Variants in FER observed in about 807,000 individuals in gnomAD.
The protein encoded by FER is tyrosine-protein kinase Fer.
A neutral mutation model predicts 111.0 loss-of-function variants in FER; 63 were observed. The observed-to-expected ratio is 0.57, with a 90% CI of 0.46 to 0.70. The LOEUF (loss-of-function observed/expected upper bound fraction) is 0.70. FER is among the 30% of genes least tolerant of loss of function. FER has a pLI of 0.00. For synonymous variants in FER, 327 were observed against 313.9 expected (o/e 1.04, Z -0.44); for missense variants, 914 against 954.0 (o/e 0.96, Z 0.55).
At chr5:108,984,285 T>C (rs2149729072) in intron 13 of FER, among the ~76,000 whole-genome samples, 1 of 152,244 alleles carries the variant, frequency 6.6e-6, no homozygotes, top group South Asian at 2.1e-4. Flanking sequence ...GAAAAAGGAA[T>C]TGAGAATGTG....
chr5:109,162,845 T>A (rs1291084330), intron 17 of FER, among the ~76,000 whole-genome samples: 1 of 150,194 alleles, frequency 6.7e-6, no homozygotes, highest in African/African-American at 2.4e-5. Context: ...AAGGTGCCTA[T>A]TTTTTTAATC....
intron 13 of FER, among the ~76,000 whole-genome samples, chr5:108,977,850 T>C (rs1381961316): frequency 6.6e-6 from 1 of 152,072 alleles, no homozygotes; most frequent in Non-Finnish European, 1.5e-5. Context: ...GTTTCTCTCT[T>C]CTCTCTCTTT....
chr5:108,859,977 T>A (rs1763357609), intron 5 of FER, among the ~76,000 whole-genome samples: 1 of 146,830 alleles, frequency 6.8e-6, no homozygotes, highest in African/African-American at 2.5e-5. Context: ...AGTCTCTCTC[T>A]GTCGCCCAGG....
At chr5:108,871,867 A>G (rs762223674) in intron 7 of FER, among the ~76,000 whole-genome samples, 10 of 152,036 alleles carry the variant, frequency 6.6e-5, no homozygotes, top group Non-Finnish European at 1.0e-4. Flanking sequence ...ACTTAATACA[A>G]TTGTGACAGG....
rs982353933 is a variant in FER at position 109,070,794 on chromosome 5, CAG to C, written c.1924+23598_1924+23599del. 4.6e-5 allele frequency among the ~76,000 whole-genome samples: 7 copies of C among 151,958 alleles called. No homozygotes were observed. In the South Asian group the frequency reaches 1.0e-3, roughly 23 times the overall value. ...ATTTAGAAATGCGAATAACATAATT[CAG>C]AAACATTTCAGGATTATTTGCAATG... is the stretch of plus-strand genomic sequence containing the variant. On this transcript the variant is annotated intron_variant, in intron 16 of 19. Coordinates refer to ENST00000281092, the MANE Select transcript of FER (RefSeq NM_005246.4).
At chr5:109,066,646 G>C (rs937597113) in intron 16 of FER, among the ~76,000 whole-genome samples, 1 of 152,124 alleles carries the variant, frequency 6.6e-6, no homozygotes, top group Non-Finnish European at 1.5e-5. Context: ...GTGTCATCCT[G>C]TATTTAAGTG....
intron 5 of FER, among the ~76,000 whole-genome samples, chr5:108,840,578 G>A (rs1202000393): frequency 6.6e-6 from 1 of 151,670 alleles, no homozygotes; most frequent in East Asian, 1.9e-4. Context: ...TCATATGCTG[G>A]ATTGTCTGAT....
chr5:108,908,088 A>G (rs1044848691), intron 10 of FER, among the ~76,000 whole-genome samples: 2 of 152,170 alleles, frequency 1.3e-5, no homozygotes, highest in Admixed American at 1.3e-4. Context: ...TTTCATTTTT[A>G]GATTAACTGT....
At chr5:108,963,578 C>G (rs1581417254) in intron 13 of FER, among the ~76,000 whole-genome samples, 2 of 151,930 alleles carry the variant, frequency 1.3e-5, no homozygotes, top group South Asian at 2.1e-4. Context: ...CAAAACAAAA[C>G]AAAAAACAAA....
intron 9 of FER, among the ~76,000 whole-genome samples, chr5:108,896,757 A>G (rs1749166435): frequency 6.6e-6 from 1 of 152,152 alleles, no homozygotes; most frequent in Non-Finnish European, 1.5e-5. Context: ...GTTTATGTTG[A>G]GACTTATAGT....
At chr5:108,918,543 G>A (rs1024124776) in intron 10 of FER, among the ~76,000 whole-genome samples, 8 of 149,694 alleles carry the variant, frequency 5.3e-5, no homozygotes, top group Non-Finnish European at 1.0e-4. Context: ...CTGGAGTGCA[G>A]TGGTGCGATC....
chr5:108,800,389 C>T (rs1756506987), intron 3 of FER, among the ~76,000 whole-genome samples: 1 of 151,982 alleles, frequency 6.6e-6, no homozygotes, highest in Non-Finnish European at 1.5e-5. Context: ...CTTGCTCTGG[C>T]ATCCAGGCTG....
chr5:109,088,041 TAAG>T (rs1256901502), intron 16 of FER, among the ~76,000 whole-genome samples: 3 of 151,974 alleles, frequency 2.0e-5, no homozygotes, highest in Non-Finnish European at 4.4e-5. Flanking sequence ...GTAGGAGACA[TAAG>T]AATATATTGG....
At chr5:109,057,628 A>G (rs968250024) in intron 16 of FER, among the ~76,000 whole-genome samples, 3 of 152,186 alleles carry the variant, frequency 2.0e-5, no homozygotes, top group Admixed American at 2.0e-4. Flanking sequence ...GGTAACTTAG[A>G]TAAAATGGAC....
chr5:108,969,109 A>G (rs1001723178), intron 13 of FER, among the ~76,000 whole-genome samples: 2 of 152,284 alleles, frequency 1.3e-5, no homozygotes, highest in African/African-American at 2.4e-5. Flanking sequence ...AAAAACCACT[A>G]TAGAAGGCAT....
chr5:109,120,785 T>C (rs1328836318), intron 17 of FER, among the ~76,000 whole-genome samples: 1 of 152,150 alleles, frequency 6.6e-6, no homozygotes, highest in Non-Finnish European at 1.5e-5. Context: ...CAATGTTTTA[T>C]AGTTTTCATT....
intron 2 of FER, among the ~76,000 whole-genome samples, chr5:108,795,411 G>A (rs1429249518): frequency 9.8e-6 from 1 of 102,278 alleles, no homozygotes; most frequent in African/African-American, 3.8e-5. Flanking sequence ...TTTTTTTTAT[G>A]TTCCCTCTGA....
At chr5:109,054,689 TTTC>T (rs1581823128) in intron 16 of FER, among the ~76,000 whole-genome samples, 2 of 115,720 alleles carry the variant, frequency 1.7e-5, no homozygotes, top group East Asian at 4.4e-4. Flanking sequence ...CTAAAAGTTG[TTTC>T]TTAAGTTTAC....
Position 108,966,388 on chromosome 5 carries a change from CTT to C in FER, c.1656+7057_1656+7058del, listed in dbSNP as rs34899054. On this transcript the variant is annotated intron_variant, in intron 13 of 19. Coordinates refer to ENST00000281092, the MANE Select transcript of FER (RefSeq NM_005246.4). ...ATTTATTATACTTCCTTTTTCTTTT[CTT>C]TTTTTTTTTTTTTTTGAGATGGAGT... is the stretch of plus-strand genomic sequence containing the variant. Among the ~76,000 whole-genome samples, 515 of 124,932 alleles carry C rather than the reference CTT, an allele frequency of 4.1e-3. 1 individual carries two copies. Among genetic ancestry groups the C allele is most frequent in the African/African-American group, 0.013 (437 of 33,100 alleles). The allele number at this position is 124,932 out of a possible 152,430, so 82.0% of individuals were successfully genotyped here.
Sources: gnomAD v4.1 joint callset for allele counts (sites outside exome capture counted in the v4.1 genomes callset) on GRCh38, gnomAD v4.1.1 for gene constraint, MANE v1.5 for transcripts, NCBI Gene and HGNC (gene_info 2026-07-23, HGNC 2026-07-21) for gene names.